Variants in BCL11A observed in about 807,000 individuals in gnomAD.
BCL11A encodes B cell CLL/lymphoma 11A.
A neutral mutation model predicts 55.9 loss-of-function variants in BCL11A; 2 were observed. The ratio of observed to expected loss-of-function variants is 0.04; its 90% CI spans 0.01 to 0.11. The LOEUF (loss-of-function observed/expected upper bound fraction) is 0.11, where lower values mean the gene tolerates loss of function less well. Ranked by LOEUF, BCL11A falls within the 10% of genes least tolerant of loss-of-function variation. BCL11A has a pLI of 1.00. For missense variants in BCL11A, 817 were observed against 1,137.1 expected (o/e 0.72, Z 4.05); for synonymous variants, 465 against 473.4 (o/e 0.98, Z 0.23).
chr2:60,459,733 T>G lies in BCL11A; in HGVS notation c.*671A>C. The G allele has an allele frequency of 9.6e-7, 1 of 1,038,882 alleles. No homozygotes were observed. The highest frequency in any genetic ancestry group is 1.2e-6 in the Non-Finnish European group (1 of 862,272). 64.4% of individuals were successfully genotyped at this position (1,038,882 alleles called of 1,614,324 possible). A position where few individuals can be genotyped will look rare whatever the true frequency, so the allele number is the denominator to read the frequency against. ...AAACTTGTTCTGTTTTTCTGTTAAT[T>G]TGTCAATTCAAGGCCTTTTTTCTTC... On this transcript the variant is annotated 3_prime_UTR_variant, in exon 4 of 4. Coordinates refer to ENST00000642384, the MANE Select transcript of BCL11A (RefSeq NM_022893.4).
chr2:60,553,274 G>T lies in BCL11A; in HGVS notation c.-4C>A. On this transcript the variant is annotated 5_prime_UTR_variant, in exon 1 of 4. Transcript: ENST00000642384. ...TGCCTTGCTTGCGGCGAGACATGGT[G>T]GGCTGCGGGGCGGGCGGCGGCGGCG... 1 of 1,576,166 alleles carries T rather than the reference G, an allele frequency of 6.3e-7. No homozygotes were observed. The highest frequency in any genetic ancestry group is 1.2e-5 in the South Asian group (1 of 85,828).
At chr2:60,514,738 T>C (rs1194142071) in intron 2 of BCL11A, among the ~76,000 whole-genome samples, 1 of 151,510 alleles carries the variant, frequency 6.6e-6, no homozygotes, top group Non-Finnish European at 1.5e-5. Context: ...CAAATAAATC[T>C]AGTTGGTCTG....
chr2:60,505,796 C>T (rs1442572563), intron 2 of BCL11A, among the ~76,000 whole-genome samples: 1 of 152,212 alleles, frequency 6.6e-6, no homozygotes, highest in Non-Finnish European at 1.5e-5. Context: ...TCGTGGCTGA[C>T]TCTTAAATGG....
downstream of BCL11A, among the ~76,000 whole-genome samples, chr2:60,455,484 AG>A (rs1222477174): frequency 1.3e-5 from 2 of 152,188 alleles, no homozygotes; most frequent in African/African-American, 4.8e-5. Context: ...ATAAGTCAGG[AG>A]ACTAAGTAAC....
At chr2:60,466,939 A>C (rs1389130482) in intron 3 of BCL11A, among the ~76,000 whole-genome samples, 1 of 152,218 alleles carries the variant, frequency 6.6e-6, no homozygotes, top group East Asian at 1.9e-4. Context: ...ATGTGTTCCT[A>C]CACAGAGAAG....
intron 2 of BCL11A, among the ~76,000 whole-genome samples, chr2:60,485,347 G>A (rs1265459503): frequency 2.6e-5 from 4 of 152,234 alleles, no homozygotes; most frequent in Non-Finnish European, 5.9e-5. Context: ...AGGATAGCCT[G>A]CAGTGGGTTA....
chr2:60,500,302 T>C (rs1429963359), intron 2 of BCL11A, among the ~76,000 whole-genome samples: 3 of 152,058 alleles, frequency 2.0e-5, no homozygotes, highest in Non-Finnish European at 4.4e-5. Context: ...AGGGGGCAGG[T>C]AGGGATAGGG....
At chr2:60,492,783 A>G (rs766431) in intron 2 of BCL11A, among the ~76,000 whole-genome samples, 8,019 of 151,980 alleles carry the variant, frequency 0.053, 255 homozygotes, top group African/African-American at 0.092. Context: ...ACTTGGTTCC[A>G]CTCCAGTGGT....
downstream of BCL11A, among the ~76,000 whole-genome samples, chr2:60,454,062 G>GAA (rs964222454): frequency 1.3e-5 from 2 of 151,966 alleles, no homozygotes; most frequent in Non-Finnish European, 2.9e-5. Context: ...GAGAGAGAGA[G>GAA]AAACAGCCCC....
downstream of BCL11A, among the ~76,000 whole-genome samples, chr2:60,454,109 A>T (rs1480253441): frequency 6.6e-6 from 1 of 152,134 alleles, no homozygotes; most frequent in Non-Finnish European, 1.5e-5. Flanking sequence ...CTCGTGCTGT[A>T]TGTAGTAAAT....
At chr2:60,498,541 A>T (rs1679087175) in intron 2 of BCL11A, among the ~76,000 whole-genome samples, 1 of 152,234 alleles carries the variant, frequency 6.6e-6, no homozygotes, top group African/African-American at 2.4e-5. Flanking sequence ...TTCCCTTCCT[A>T]GAATTGGCCT....
At chr2:60,503,411 C>T (rs2104421601) in intron 2 of BCL11A, among the ~76,000 whole-genome samples, 1 of 152,352 alleles carries the variant, frequency 6.6e-6, no homozygotes, top group South Asian at 2.1e-4. Flanking sequence ...CCAGACATGT[C>T]CCTGGAAGAC....
chr2:60,542,293 A>G (rs1669956804), intron 2 of BCL11A: 1 of 161,784 alleles, frequency 6.2e-6, no homozygotes, highest in African/African-American at 2.4e-5. Flanking sequence ...TCCTATGTGC[A>G]ATAAGCCAAA....
chr2:60,526,908 T>A (rs1301159022), intron 2 of BCL11A: 1 of 152,242 alleles, frequency 6.6e-6, no homozygotes, highest in Non-Finnish European at 1.5e-5. Flanking sequence ...ACGTTGTAAA[T>A]TATCACTAGT....
chr2:60,467,981 ATGG>A (rs1558620753), intron 3 of BCL11A, among the ~76,000 whole-genome samples: 1 of 88,308 alleles, frequency 1.1e-5, no homozygotes, highest in Non-Finnish European at 2.5e-5. Flanking sequence ...GGTGGTAGTG[ATGG>A]TGGTGGTAAT....
chr2:60,485,508 A>G (rs1363221158), intron 2 of BCL11A, among the ~76,000 whole-genome samples: 5 of 152,230 alleles, frequency 3.3e-5, no homozygotes, highest in Non-Finnish European at 7.3e-5. Flanking sequence ...ATACTCTTTT[A>G]TATTCTACCT....
intron 1 of BCL11A, among the ~76,000 whole-genome samples, chr2:60,551,850 G>GGCC (rs950780466): frequency 2.0e-5 from 3 of 150,650 alleles, no homozygotes; most frequent in African/African-American, 7.3e-5. Flanking sequence ...GGCGAGGCCA[G>GGCC]GCCGCCGCCG....
rs1259082822 is a variant in BCL11A, at chr2:60,457,659, G to A, written c.*2745C>T. 1 of 1,031,568 alleles carries A rather than the reference G, an allele frequency of 9.7e-7. No individual in the cohort carries two copies. Among genetic ancestry groups the A allele is most frequent in the Non-Finnish European group, 1.2e-6 (1 of 859,018 alleles). The allele number at this position is 1,031,568 out of a possible 1,614,324, so 63.9% of individuals were successfully genotyped here. On this transcript the variant is annotated 3_prime_UTR_variant, in exon 4 of 4. Coordinates refer to ENST00000642384, the MANE Select transcript of BCL11A (RefSeq NM_022893.4). ...TTAGTTTTTGGCAATGAAAAAAACT[G>A]CAAAACATTGGTTTTTTTTTTTTTT...
intron 2 of BCL11A, among the ~76,000 whole-genome samples, chr2:60,519,473 G>A (rs1340579764): frequency 6.6e-6 from 1 of 152,194 alleles, no homozygotes; most frequent in Non-Finnish European, 1.5e-5. Context: ...AAGGAGAGAT[G>A]GGTGTGGAAC....
Sources: allele counts gnomAD v4.1 joint callset (sites outside exome capture counted in the v4.1 genomes callset), GRCh38; gene constraint gnomAD v4.1.1; transcripts MANE v1.5; gene names NCBI Gene and HGNC (gene_info 2026-07-23, HGNC 2026-07-21).